Variants in SSBP2 observed in about 807,000 individuals in gnomAD.
SSBP2 encodes the protein single stranded DNA binding protein 2.
SSBP2 carries 17 observed loss-of-function variants against 61.8 expected under a neutral mutation model. That is an observed-to-expected ratio of 0.28 (90% confidence interval 0.19 to 0.41). The LOEUF is 0.41. SSBP2 is among the 10% of genes least tolerant of loss of function. The pLI is 1.00. For missense variants in SSBP2, 310 were observed against 458.7 expected, an observed-to-expected ratio of 0.68 and a Z score of 2.96; for synonymous variants, 139 against 141.3, an observed-to-expected ratio of 0.98 and a Z score of 0.12.
intron 8 of SSBP2, among the ~76,000 whole-genome samples, chr5:81,469,327 T>C (rs1453671714): frequency 6.6e-6 from 1 of 151,916 alleles, no homozygotes; most frequent in Non-Finnish European, 1.5e-5. Flanking sequence ...TCATAGTACT[T>C]AGTGAATTAA....
At chr5:81,461,925 T>G (rs1368625653) in intron 9 of SSBP2, among the ~76,000 whole-genome samples, 1 of 152,196 alleles carries the variant, frequency 6.6e-6, no homozygotes, top group East Asian at 1.9e-4. Context: ...AAAGACTGTC[T>G]TATGAAAAGC....
At chr5:81,721,447 A>G (rs1196413179) in intron 1 of SSBP2, among the ~76,000 whole-genome samples, 1 of 152,140 alleles carries the variant, frequency 6.6e-6, no homozygotes, top group African/African-American at 2.4e-5. Flanking sequence ...TTCACACACT[A>G]AGCAAAATAC....
At chr5:81,577,697 AATT>A (rs1170058198) in intron 4 of SSBP2, among the ~76,000 whole-genome samples, 2 of 152,100 alleles carry the variant, frequency 1.3e-5, no homozygotes, top group Admixed American at 1.3e-4. Context: ...CCCATATAAA[AATT>A]ATAATTTCCA....
intron 1 of SSBP2, among the ~76,000 whole-genome samples, chr5:81,694,674 C>T (rs1044035668): frequency 9.2e-5 from 14 of 152,250 alleles, no homozygotes; most frequent in Middle Eastern, 3.4e-3. Flanking sequence ...GTGACAGTTC[C>T]CTTTCAAAAT....
At chr5:81,613,018 A>T (rs979508542) in intron 4 of SSBP2, among the ~76,000 whole-genome samples, 1 of 152,152 alleles carries the variant, frequency 6.6e-6, no homozygotes, top group African/African-American at 2.4e-5. Flanking sequence ...TTACCATAAA[A>T]GAAATTAATG....
At chr5:81,543,925 C>T (rs1410616178) in intron 4 of SSBP2, among the ~76,000 whole-genome samples, 1 of 152,138 alleles carries the variant, frequency 6.6e-6, no homozygotes, top group Admixed American at 6.5e-5. Flanking sequence ...GTTTGCTGTG[C>T]AATACTGAAA....
chr5:81,737,840 C>G (rs976881154), intron 1 of SSBP2, among the ~76,000 whole-genome samples: 1 of 151,034 alleles, frequency 6.6e-6, no homozygotes, highest in Non-Finnish European at 1.5e-5. Context: ...CTTGTTCATT[C>G]TACAAATCTG....
chr5:81,612,577 G>C (rs372178454), intron 4 of SSBP2, among the ~76,000 whole-genome samples: 1 of 151,866 alleles, frequency 6.6e-6, no homozygotes, highest in African/African-American at 2.4e-5. Flanking sequence ...TATGCCTCCA[G>C]TATTTCTTTT....
chr5:81,513,820 G>T, intron 4 of SSBP2, 103 bp from the exon 5 acceptor site: 1 of 675,184 alleles, frequency 1.5e-6, no homozygotes, highest in East Asian at 2.8e-5. Flanking sequence ...TTTCATGCCT[G>T]GGAACAAATA....
In SSBP2 at chr5:81,736,246, C is replaced by T. The variant is rs1167246787; in HGVS notation, c.62+14735G>A. Among the ~76,000 whole-genome samples the T allele has an allele frequency of 5.9e-5, 9 of 151,984 alleles. 1 individual carries two copies. Among genetic ancestry groups the T allele is most frequent in the Non-Finnish European group, 1.5e-5 (1 of 67,992 alleles). On this transcript the variant is annotated intron_variant, in intron 1 of 16. Coordinates refer to ENST00000320672, the MANE Select transcript of SSBP2 (RefSeq NM_012446.5). ...AAACTATCACAGCCTCACTGGACTT[C>T]TTCCAAGCACAAAATTGGCGCTATG... is the stretch of plus-strand genomic sequence containing the variant.
At chr5:81,604,825 C>A (rs1016744434) in intron 4 of SSBP2, among the ~76,000 whole-genome samples, 5 of 151,996 alleles carry the variant, frequency 3.3e-5, no homozygotes, top group African/African-American at 1.2e-4. Flanking sequence ...TAATACAAAA[C>A]AAAATCTTAA....
intron 2 of SSBP2, among the ~76,000 whole-genome samples, chr5:81,639,291 T>C (rs953828666): frequency 1.3e-5 from 2 of 152,194 alleles, no homozygotes; most frequent in African/African-American, 2.4e-5. Flanking sequence ...GAGTTTACTA[T>C]AATAAAAATT....
chr5:81,490,937 G>A (rs947822378), intron 5 of SSBP2, among the ~76,000 whole-genome samples: 3 of 152,116 alleles, frequency 2.0e-5, no homozygotes, highest in East Asian at 1.9e-4. Context: ...TTTTAAAAAC[G>A]TTTAGTTTTC....
chr5:81,476,442 T>C (rs958485161), intron 6 of SSBP2, among the ~76,000 whole-genome samples: 1 of 152,308 alleles, frequency 6.6e-6, no homozygotes, highest in African/African-American at 2.4e-5. Flanking sequence ...TCCCTACCTA[T>C]CATGTCCTCA....
intron 1 of SSBP2, among the ~76,000 whole-genome samples, chr5:81,654,470 A>AT (rs2153723756): frequency 6.6e-6 from 1 of 152,288 alleles, no homozygotes; most frequent in South Asian, 2.1e-4. Flanking sequence ...AGTAATAACA[A>AT]TTGTTATAAT....
intron 4 of SSBP2, among the ~76,000 whole-genome samples, chr5:81,542,923 C>T (rs1294968048): frequency 2.0e-5 from 3 of 151,562 alleles, no homozygotes; most frequent in Non-Finnish European, 4.4e-5. Flanking sequence ...GGCACAATCT[C>T]GACTCACTGC....
chr5:81,678,265 T>C, intron 1 of SSBP2, among the ~76,000 whole-genome samples: 1 of 151,968 alleles, frequency 6.6e-6, no homozygotes, highest in Non-Finnish European at 1.5e-5. Flanking sequence ...GTAAAAAAAA[T>C]GCGGAATGTC....
intron 2 of SSBP2, among the ~76,000 whole-genome samples, chr5:81,637,378 C>G (rs1006373671): frequency 6.6e-6 from 1 of 152,176 alleles, no homozygotes; most frequent in Non-Finnish European, 1.5e-5. Flanking sequence ...CTTCTGTGTG[C>G]TGTTGTTGCT....
At chr5:81,433,201 T>C (rs577579345) in intron 15 of SSBP2, among the ~76,000 whole-genome samples, 1 of 152,048 alleles carries the variant, frequency 6.6e-6, no homozygotes, top group Admixed American at 6.5e-5. Flanking sequence ...AGAAATCGGA[T>C]GGTTGCTGTG....
Sources: gnomAD v4.1 joint callset for allele counts (sites outside exome capture counted in the v4.1 genomes callset) on GRCh38, gnomAD v4.1.1 for gene constraint, MANE v1.5 for transcripts, NCBI Gene and HGNC (gene_info 2026-07-23, HGNC 2026-07-21) for gene names.